Variants in SYNJ1 observed in about 807,000 individuals in gnomAD.
SYNJ1 encodes the protein synaptojanin 1, also known as polyphosphatidylinositol phosphatase SYNJ1.
A neutral mutation model predicts 168.2 loss-of-function variants in SYNJ1; 78 were observed. The ratio of observed to expected loss-of-function variants is 0.46; its 90% CI spans 0.39 to 0.56. SYNJ1 has a LOEUF of 0.56. Ranked by LOEUF, SYNJ1 falls within the 20% of genes least tolerant of loss-of-function variation. The pLI, the probability that SYNJ1 is intolerant of heterozygous loss-of-function variation, is 0.00. For synonymous variants in SYNJ1, 539 were observed against 548.6 expected, an observed-to-expected ratio of 0.98 and a Z score of 0.24; for missense variants, 1,303 against 1,597.6, an observed-to-expected ratio of 0.82 and a Z score of 3.14.
At chr21:32,692,024 G>A (rs1042073849) in intron 6 of SYNJ1, among the ~76,000 whole-genome samples, 6 of 152,140 alleles carry the variant, frequency 3.9e-5, no homozygotes, top group Non-Finnish European at 7.3e-5. Context: ...AAGACCTGTC[G>A]GAGCTAGTAG....
At chr21:32,683,174 T>C (rs1410523538) in intron 10 of SYNJ1, among the ~76,000 whole-genome samples, 1 of 152,108 alleles carries the variant, frequency 6.6e-6, no homozygotes, top group Admixed American at 6.5e-5. Flanking sequence ...TTATAGTATT[T>C]GAGAACTATG....
chr21:32,725,677 T>C (rs530012126), intron 2 of SYNJ1, among the ~76,000 whole-genome samples: 2 of 152,296 alleles, frequency 1.3e-5, no homozygotes, highest in East Asian at 3.9e-4. Flanking sequence ...TTATTGAGGC[T>C]GGAGAAAGCT....
At chr21:32,688,409 A>C (rs1371485898) in intron 6 of SYNJ1, 42 bp from the exon 7 acceptor site, 1 of 1,543,780 alleles carries the variant, frequency 6.5e-7, no homozygotes, top group Non-Finnish European at 8.9e-7. Flanking sequence ...AAAAACCAAC[A>C]TATAGACGAA....
intron 2 of SYNJ1, among the ~76,000 whole-genome samples, chr21:32,723,967 C>T (rs997742771): frequency 1.7e-4 from 26 of 151,844 alleles, no homozygotes; most frequent in African/African-American, 4.8e-4. Flanking sequence ...AGTAGGACCT[C>T]GGTGGGACTG....
chr21:32,681,368 A>G, intron 11 of SYNJ1, 128 bp downstream of exon 11: 2 of 1,104,040 alleles, frequency 1.8e-6, no homozygotes, highest in Non-Finnish European at 1.3e-6. Flanking sequence ...ATAAAAGCAC[A>G]TTAAACAGAA....
At chr21:32,683,153 T>C (rs1345530868) in intron 10 of SYNJ1, among the ~76,000 whole-genome samples, 2 of 152,094 alleles carry the variant, frequency 1.3e-5, no homozygotes, top group African/African-American at 2.4e-5. Flanking sequence ...TAACTTCCTA[T>C]TGCTGTTTTT....
At chr21:32,696,365 A>G (rs780151086) in intron 4 of SYNJ1, among the ~76,000 whole-genome samples, 10 of 152,182 alleles carry the variant, frequency 6.6e-5, no homozygotes, top group Non-Finnish European at 1.5e-4. Flanking sequence ...AAACATGCAG[A>G]AGCCCAATGA....
intron 11 of SYNJ1, 30 bp from the exon 12 acceptor site, chr21:32,678,831 A>G (rs1263899087): frequency 1.3e-6 from 2 of 1,589,070 alleles, no homozygotes; most frequent in African/African-American, 2.7e-5. Flanking sequence ...AGGAGCGCAG[A>G]TTTTCATTTT....
chr21:32,666,215 T>C lies in SYNJ1; in HGVS notation c.1953-80A>G, dbSNP rs555301004. ...CATAGGAAATGAGGAATATACATAA[T>C]CATTTAAGTACACATGGTATGGTAC... On this transcript the variant is annotated intron_variant, in intron 16 of 32. Transcript: ENST00000674351. 9.6e-4 allele frequency: 1,427 copies of C among 1,491,198 alleles called. 4 individuals are homozygous for C. Among genetic ancestry groups the C allele is most frequent in the Non-Finnish European group, 8.0e-4 (888 of 1,107,190 alleles). The allele number at this position is 1,491,198 out of a possible 1,614,324, so 92.4% of individuals were successfully genotyped here. A position where few individuals can be genotyped will look rare whatever the true frequency, so the allele number is the denominator to read the frequency against.
At chr21:32,702,969 C>T (rs867423860) in intron 2 of SYNJ1, among the ~76,000 whole-genome samples, 14 of 152,362 alleles carry the variant, frequency 9.2e-5, no homozygotes, top group Middle Eastern at 3.4e-3. Context: ...GGGCTCTTCT[C>T]AGCCTACTGC....
At chr21:32,653,165 G>A (rs562604360) in intron 22 of SYNJ1, 123 bp downstream of exon 22, 28 of 755,740 alleles carry the variant, frequency 3.7e-5, no homozygotes, top group South Asian at 5.7e-5. Flanking sequence ...ATAACTCCTC[G>A]AACATACCAT....
chr21:32,678,613 T>C, intron 12 of SYNJ1, 32 bp downstream of exon 12: 3 of 1,523,026 alleles, frequency 2.0e-6, no homozygotes, highest in Non-Finnish European at 1.7e-6. Flanking sequence ...TTTAGGAATA[T>C]AAATAACAAA....
chr21:32,677,905 T>G (rs1429417086), intron 12 of SYNJ1, among the ~76,000 whole-genome samples: 1 of 152,078 alleles, frequency 6.6e-6, no homozygotes, highest in Non-Finnish European at 1.5e-5. Context: ...TTTTTCAGAG[T>G]GCTAAAAAGT....
chr21:32,634,471 A>T (rs1273150983), intron 32 of SYNJ1, among the ~76,000 whole-genome samples: 1 of 152,154 alleles, frequency 6.6e-6, no homozygotes, highest in East Asian at 1.9e-4. Context: ...TATTTCCCCC[A>T]AATATTTTTT....
intron 27 of SYNJ1, 86 bp downstream of exon 27, chr21:32,643,324 G>T: frequency 7.2e-7 from 1 of 1,385,144 alleles, no homozygotes; most frequent in Non-Finnish European, 1.0e-6. Context: ...TAGTATGCCT[G>T]CAAACACTGC....
At chr21:32,642,244 A>G in intron 27 of SYNJ1, 111 bp from the exon 28 acceptor site, 1 of 1,187,080 alleles carries the variant, frequency 8.4e-7, no homozygotes, top group Non-Finnish European at 1.2e-6. Flanking sequence ...GGGGCATGAG[A>G]TGGTAACAAA....
At chr21:32,728,134 G>A, upstream of SYNJ1, 1 of 1,381,028 alleles carries the variant, frequency 7.2e-7, no homozygotes, top group East Asian at 2.8e-5. Flanking sequence ...CGACCGGCTG[G>A]GCCTGGCACC....
intron 13 of SYNJ1, 109 bp downstream of exon 13, chr21:32,676,223 G>T: frequency 1.2e-6 from 1 of 814,780 alleles, no homozygotes; most frequent in Non-Finnish European, 1.8e-6. Context: ...GGATCTGATG[G>T]CAAAATGAGA....
At chr21:32,703,346 C>T (rs1440642079) in intron 2 of SYNJ1, among the ~76,000 whole-genome samples, 1 of 152,182 alleles carries the variant, frequency 6.6e-6, no homozygotes, top group East Asian at 1.9e-4. Flanking sequence ...CCTTGAGTTC[C>T]TATTATTATT....
Sources: allele counts gnomAD v4.1 joint callset (sites outside exome capture counted in the v4.1 genomes callset), GRCh38; gene constraint gnomAD v4.1.1; transcripts MANE v1.5; gene names NCBI Gene and HGNC (gene_info 2026-07-23, HGNC 2026-07-21).